Variants in KCND3 observed in about 807,000 individuals in gnomAD.
The protein encoded by KCND3 is A-type voltage-gated potassium channel KCND3.
Under a neutral mutation model 51.1 loss-of-function variants are expected in KCND3, and 9 were observed. That is an observed-to-expected ratio of 0.18 (90% CI 0.11 to 0.31). The LOEUF (loss-of-function observed/expected upper bound fraction) is 0.31. Among genes scored for constraint, KCND3 ranks in the 10% least tolerant of loss-of-function variants. KCND3 has a pLI of 1.00. For synonymous variants in KCND3, 349 were observed against 368.0 expected (o/e 0.95, Z 0.59); for missense variants, 526 against 903.8 (o/e 0.58, Z 5.36).
At chr1:111,893,790 A>AGGCAACTGGGTTAATG (rs1234243244) in intron 2 of KCND3, among the ~76,000 whole-genome samples, 4 of 152,206 alleles carry the variant, frequency 2.6e-5, no homozygotes, top group Non-Finnish European at 5.9e-5. Context: ...TCTTTGACCC[A>AGGCAACTGGGTTAATG]GGCAACTGGG....
intron 2 of KCND3, among the ~76,000 whole-genome samples, chr1:111,863,385 A>G (rs1169531119): frequency 6.6e-6 from 1 of 152,228 alleles, no homozygotes; most frequent in Non-Finnish European, 1.5e-5. Flanking sequence ...AATTTAAATC[A>G]ATCTTTAAGG....
At chr1:111,781,098 T>C (rs546951166) in intron 3 of KCND3, among the ~76,000 whole-genome samples, 16 of 152,320 alleles carry the variant, frequency 1.1e-4, no homozygotes, top group African/African-American at 3.8e-4. Context: ...CAAAATGCCA[T>C]GTGCTATTCA....
chr1:111,897,340 C>T (rs927861184), intron 2 of KCND3, among the ~76,000 whole-genome samples: 1 of 152,236 alleles, frequency 6.6e-6, no homozygotes, highest in African/African-American at 2.4e-5. Context: ...ATCTGCTCAC[C>T]CCAGAAAAAT....
rs560676687 is a variant in KCND3 at position 111,932,262 on chromosome 1, C to T, written c.1106+49359G>A. On this transcript the variant is annotated intron_variant, in intron 2 of 7. Coordinates refer to ENST00000302127, the MANE Select transcript of KCND3 (RefSeq NM_001378969.1). ...CCTATGTCAGAAAAGGTAACATATC[C>T]ACGGGAGCAGGGGATGAGAGTTTGG... 1.6e-4 allele frequency among the ~76,000 whole-genome samples: 24 copies of T among 152,298 alleles called. 1 individual carries two copies. Among genetic ancestry groups the T allele is most frequent in the Non-Finnish European group, 1.5e-5 (1 of 68,034 alleles).
intron 6 of KCND3, among the ~76,000 whole-genome samples, chr1:111,777,959 G>C (rs1664202740): frequency 6.6e-6 from 1 of 152,178 alleles, no homozygotes; most frequent in African/African-American, 2.4e-5. Flanking sequence ...GGGTATAGCT[G>C]AACCCAGGAT....
At chr1:111,964,756 G>T (rs953636675) in intron 2 of KCND3, among the ~76,000 whole-genome samples, 2 of 152,152 alleles carry the variant, frequency 1.3e-5, no homozygotes, top group African/African-American at 4.8e-5. Context: ...AGGGGGTATT[G>T]TCCTACCCAC....
At chr1:111,790,739 C>T (rs1349431184) in intron 2 of KCND3, among the ~76,000 whole-genome samples, 1 of 152,184 alleles carries the variant, frequency 6.6e-6, no homozygotes, top group Non-Finnish European at 1.5e-5. Context: ...TTCCACACCC[C>T]ACCTCTCAGA....
At position 111,951,419 on chromosome 1, in the gene KCND3, C is replaced by T. The variant is rs1357027006; in HGVS notation, c.1106+30202G>A. Among the ~76,000 whole-genome samples, 3 of 152,058 alleles carry T rather than the reference C, an allele frequency of 2.0e-5. No individual in the cohort carries two copies. In the East Asian group the frequency reaches 5.8e-4, roughly 29 times the overall value. ...ATGGATGACACAGTCTAAAAGTTCC[C>T]AATTTCTTTAGAATTGGGAACTGCT... On this transcript the variant is annotated intron_variant, in intron 2 of 7. Coordinates refer to ENST00000302127, the MANE Select transcript of KCND3 (RefSeq NM_001378969.1).
intron 2 of KCND3, among the ~76,000 whole-genome samples, chr1:111,866,197 TTTTC>T (rs750248844): frequency 4.7e-4 from 71 of 151,998 alleles, no homozygotes; most frequent in Non-Finnish European, 7.5e-4. Flanking sequence ...GTTTCATTGA[TTTTC>T]TTTCTTTCTC....
chr1:111,906,188 G>A (rs754110166), intron 2 of KCND3, among the ~76,000 whole-genome samples: 1 of 152,178 alleles, frequency 6.6e-6, no homozygotes, highest in Admixed American at 6.5e-5. Flanking sequence ...GAGCTATCAG[G>A]CTGTGAAAGA....
At chr1:111,915,486 C>T (rs1671154176) in intron 2 of KCND3, among the ~76,000 whole-genome samples, 1 of 152,118 alleles carries the variant, frequency 6.6e-6, no homozygotes, top group Non-Finnish European at 1.5e-5. Context: ...GGTGCAGTGG[C>T]TCATGCCTGT....
intron 2 of KCND3, among the ~76,000 whole-genome samples, chr1:111,907,341 G>A (rs1670695836): frequency 6.6e-6 from 1 of 152,234 alleles, no homozygotes; most frequent in Admixed American, 6.5e-5. Context: ...GCCCTTGTGT[G>A]TGGGCTGGAC....
intron 2 of KCND3, among the ~76,000 whole-genome samples, chr1:111,808,445 T>C (rs1238950993): frequency 1.3e-5 from 2 of 152,224 alleles, no homozygotes; most frequent in Non-Finnish European, 2.9e-5. Context: ...AACTCATTCC[T>C]CCTCTGTGCC....
At chr1:111,858,065 C>G (rs778536439) in intron 2 of KCND3, among the ~76,000 whole-genome samples, 2 of 152,170 alleles carry the variant, frequency 1.3e-5, no homozygotes, top group African/African-American at 2.4e-5. Context: ...AGGTTGTCGG[C>G]TGCCGGTTCT....
At chr1:111,792,168 AGAG>A (rs1420029316) in intron 2 of KCND3, among the ~76,000 whole-genome samples, 2 of 152,226 alleles carry the variant, frequency 1.3e-5, no homozygotes, top group African/African-American at 4.8e-5. Flanking sequence ...GGCCCGAAGA[AGAG>A]GAGTTGGGGA....
At position 111,774,026 on chromosome 1, in the gene KCND3, C is replaced by T. The variant is rs890191712; in HGVS notation, c.*2051G>A. 1 of 152,218 alleles carries T rather than the reference C, an allele frequency of 6.6e-6. No homozygotes were observed. Among genetic ancestry groups the T allele is most frequent in the African/African-American group, 2.4e-5 (1 of 41,430 alleles). The allele number at this position is 152,218 out of a possible 1,614,324, so 9.4% of individuals were successfully genotyped here. ...CTCAGAGGGCAAGAACCACTCCATT[C>T]CCACATTAGGGGACCCAGAGAAAGA... is the stretch of plus-strand genomic sequence containing the variant. On this transcript the variant is annotated 3_prime_UTR_variant, in exon 8 of 8. Coordinates refer to ENST00000302127, the MANE Select transcript of KCND3 (RefSeq NM_001378969.1).
Position 111,972,244 on chromosome 1 carries a change from C to T in KCND3, c.1106+9377G>A, listed in dbSNP as rs369448828. On this transcript the variant is annotated intron_variant, in intron 2 of 7. Transcript: ENST00000302127. Reference sequence around the variant, plus strand: ...CTGGAGTGCAGTGGCGGGATCTCGGCTCACTGCAAGCTCCGCCTCCCGGGT... The same window carrying T: ...CTGGAGTGCAGTGGCGGGATCTCGGTTCACTGCAAGCTCCGCCTCCCGGGT... Among the ~76,000 whole-genome samples, 205 of 142,246 alleles carry T rather than the reference C, an allele frequency of 1.4e-3. 1 individual carries two copies. Among genetic ancestry groups the T allele is most frequent in the African/African-American group, 5.1e-3 (195 of 38,380 alleles). 93.3% of individuals were successfully genotyped at this position (142,246 alleles called of 152,430 possible). A position where few individuals can be genotyped will look rare whatever the true frequency, so the allele number is the denominator to read the frequency against.
At chr1:111,848,186 A>G (rs185576719) in intron 2 of KCND3, among the ~76,000 whole-genome samples, 8 of 152,318 alleles carry the variant, frequency 5.3e-5, no homozygotes, top group Admixed American at 5.2e-4. Context: ...AGTCCCTGAT[A>G]CTAAGGGAGT....
At chr1:111,933,777 C>A (rs776305150) in intron 2 of KCND3, among the ~76,000 whole-genome samples, 8 of 151,956 alleles carry the variant, frequency 5.3e-5, no homozygotes, top group African/African-American at 1.9e-4. Context: ...CACTAGACAT[C>A]TCCTCCACAT....
Sources: allele counts gnomAD v4.1 joint callset (sites outside exome capture counted in the v4.1 genomes callset), GRCh38; gene constraint gnomAD v4.1.1; transcripts MANE v1.5; gene names NCBI Gene and HGNC (gene_info 2026-07-23, HGNC 2026-07-21).